Variants in ESR2 observed in about 807,000 individuals in gnomAD.
ESR2 encodes estrogen receptor beta.
ESR2 carries 36 observed loss-of-function variants against 49.6 expected under a neutral mutation model. The observed-to-expected ratio is 0.73, with a 90% CI of 0.56 to 0.96. ESR2 has a LOEUF of 0.96. Among genes scored for constraint, ESR2 ranks in the 40% least tolerant of loss-of-function variants. The pLI, the probability that ESR2 is intolerant of heterozygous loss-of-function variation, is 0.00. For synonymous variants in ESR2, 320 were observed against 266.1 expected, an observed-to-expected ratio of 1.20 and a Z score of -1.97; for missense variants, 714 against 693.0, an observed-to-expected ratio of 1.03 and a Z score of -0.34.
rs1232013998 is a variant in ESR2, at chr14:64,229,369, A to T, written c.*3768T>A. Among the ~76,000 whole-genome samples, 1 of 152,106 alleles carries T rather than the reference A, an allele frequency of 6.6e-6. No homozygotes were observed. Among genetic ancestry groups the T allele is most frequent in the Non-Finnish European group, 1.5e-5 (1 of 68,036 alleles). ...CTTGCGTGCCAGTCCAAGCTTTGCC[A>T]TGAGTAGTTTTATGACCTTGAATAG... On this transcript the variant is annotated 3_prime_UTR_variant, in exon 9 of 9. Transcript: ENST00000341099.
At chr14:64,289,250 C>T (rs1178196007) in intron 1 of ESR2, among the ~76,000 whole-genome samples, 4 of 151,748 alleles carry the variant, frequency 2.6e-5, no homozygotes, top group Non-Finnish European at 5.9e-5. Context: ...CAGTGGCTCA[C>T]GCCTGTAACC....
intron 7 of ESR2, among the ~76,000 whole-genome samples, chr14:64,237,788 T>C (rs1371097531): frequency 6.6e-6 from 1 of 152,184 alleles, no homozygotes; most frequent in African/African-American, 2.4e-5. Context: ...GACCACATGT[T>C]GTATGATTCC....
intron 4 of ESR2, among the ~76,000 whole-genome samples, chr14:64,263,247 A>G (rs530967321): frequency 9.8e-4 from 149 of 152,360 alleles, no homozygotes; most frequent in Middle Eastern, 3.4e-3. Context: ...AAATAAATTG[A>G]CATTACTCTA....
chr14:64,259,155 C>G (rs1486754577), intron 5 of ESR2, among the ~76,000 whole-genome samples: 2 of 152,158 alleles, frequency 1.3e-5, no homozygotes, highest in African/African-American at 4.8e-5. Flanking sequence ...TGGGAAAAAG[C>G]AGAGAAAATA....
At chr14:64,307,813 C>T (rs879749697) in intron 1 of ESR2, among the ~76,000 whole-genome samples, 2 of 152,144 alleles carry the variant, frequency 1.3e-5, no homozygotes, top group East Asian at 1.9e-4. Flanking sequence ...GGATTACAGG[C>T]GTGAGCCACC....
intron 8 of ESR2, chr14:64,233,739 T>C (rs2098729644): frequency 1.1e-5 from 2 of 174,280 alleles, no homozygotes; most frequent in Non-Finnish European, 2.5e-5. Flanking sequence ...AGATGCCTTA[T>C]GTGATAAATA....
At chr14:64,233,999 G>A (rs2098729910) in intron 8 of ESR2, 1 of 152,226 alleles carries the variant, frequency 6.6e-6, no homozygotes, top group Non-Finnish European at 1.5e-5. Context: ...GCAGCTGCTT[G>A]TTCCATCTCA....
chr14:64,317,701 G>A (rs1014343833), intron 1 of ESR2, among the ~76,000 whole-genome samples: 1 of 152,118 alleles, frequency 6.6e-6, no homozygotes, highest in African/African-American at 2.4e-5. Context: ...TGCAAGGGTG[G>A]TTCAACCTTC....
intron 1 of ESR2, among the ~76,000 whole-genome samples, chr14:64,310,286 A>AAAAAATAATAAT (rs1555595498): frequency 7.0e-6 from 1 of 142,468 alleles, no homozygotes; most frequent in Non-Finnish European, 1.5e-5. Flanking sequence ...TCGTCTCAAA[A>AAAAAATAATAAT]AATAATAATA....
Position 64,232,801 on chromosome 14 carries a change from G to A in ESR2, c.*336C>T, listed in dbSNP as rs1478543602. 2 of 223,582 alleles carry A rather than the reference G, an allele frequency of 8.9e-6. No homozygotes were observed. The highest frequency in any genetic ancestry group is 1.0e-4 in the Admixed American group (2 of 19,178). The allele number at this position is 223,582 out of a possible 1,614,324, so 13.8% of individuals were successfully genotyped here. On this transcript the variant is annotated 3_prime_UTR_variant, in exon 9 of 9. Transcript: ENST00000341099. ...CCTTTCTGATTCGCAGCCCTTCCAA[G>A]TCAGATTTCCACCATTCATTCCAAA... is the stretch of plus-strand genomic sequence containing the variant.
At chr14:64,290,945 T>C (rs1030929610) in intron 1 of ESR2, among the ~76,000 whole-genome samples, 2 of 152,050 alleles carry the variant, frequency 1.3e-5, no homozygotes, top group Admixed American at 6.6e-5. Context: ...TTGAATAGGG[T>C]AGGAGGACCA....
At chr14:64,322,650 A>G (rs974892138) in intron 1 of ESR2, among the ~76,000 whole-genome samples, 1 of 152,210 alleles carries the variant, frequency 6.6e-6, no homozygotes, top group African/African-American at 2.4e-5. Context: ...GACAGCATTC[A>G]ATGCTAGCTG....
intron 5 of ESR2, 180 bp downstream of exon 5, chr14:64,260,269 G>T: frequency 1.3e-6 from 1 of 779,296 alleles, no homozygotes. Flanking sequence ...CCTTGTTGAA[G>T]GTAGGTATGC....
At chr14:64,316,577 G>C (rs2077258166) in intron 1 of ESR2, among the ~76,000 whole-genome samples, 1 of 152,250 alleles carries the variant, frequency 6.6e-6, no homozygotes, top group Admixed American at 6.5e-5. Flanking sequence ...GGGAGGCCAA[G>C]GTGGGTGGAT....
chr14:64,274,633 T>C (rs1334655349), intron 3 of ESR2, among the ~76,000 whole-genome samples: 1 of 152,150 alleles, frequency 6.6e-6, no homozygotes, highest in African/African-American at 2.4e-5. Context: ...GAATATTTCT[T>C]TTCTTCTATT....
At chr14:64,248,218 T>C (rs996580860) in intron 7 of ESR2, among the ~76,000 whole-genome samples, 1 of 150,474 alleles carries the variant, frequency 6.6e-6, no homozygotes, top group Non-Finnish European at 1.5e-5. Flanking sequence ...AAAAACAAGA[T>C]ACAGACTGTG....
At position 64,235,087 on chromosome 14, in the gene ESR2, A is replaced by T. The variant is rs755668062; in HGVS notation, c.1289T>A (p.Leu430Gln). ...ADSSRKLAHLLNAVTDALVWV... is the reference protein window; with the variant it reads ...ADSSRKLAHLQNAVTDALVWV... ...AACCAAAGCATCGGTCACGGCGTTCAGCAAGTGAGCCAGCTTCCGGCTGCT... is the reference window on the plus strand; with the variant it reads ...AACCAAAGCATCGGTCACGGCGTTCTGCAAGTGAGCCAGCTTCCGGCTGCT... Residue 430 changes from leucine to glutamine, a missense_variant, in exon 8 of 9, where the codon CTG (leucine) becomes CAG (glutamine). Leu to Gln is a moderately radical substitution (Grantham distance 113, BLOSUM62 -2). Coordinates refer to ENST00000341099, the MANE Select transcript of ESR2 (RefSeq NM_001437.3). 1.2e-6 allele frequency: 2 copies of T among 1,614,096 alleles called. No homozygotes were observed. The highest frequency in any genetic ancestry group is 1.7e-6 in the Non-Finnish European group (2 of 1,180,044).
chr14:64,283,470 G>T (rs924897923), intron 1 of ESR2, among the ~76,000 whole-genome samples: 1 of 152,012 alleles, frequency 6.6e-6, no homozygotes, highest in African/African-American at 2.4e-5. Flanking sequence ...ATTAAAATAC[G>T]CTATGAGGCC....
intron 1 of ESR2, chr14:64,303,701 T>C (rs2077055888): frequency 1.3e-5 from 2 of 152,360 alleles, no homozygotes; most frequent in South Asian, 4.1e-4. Context: ...TAGATCATTG[T>C]ATATGTGTAA....
Sources: allele counts gnomAD v4.1 joint callset (sites outside exome capture counted in the v4.1 genomes callset), GRCh38; gene constraint gnomAD v4.1.1; transcripts MANE v1.5; gene names NCBI Gene and HGNC (gene_info 2026-07-23, HGNC 2026-07-21).